Variants in TMCC1 observed in about 807,000 individuals in gnomAD.
The protein encoded by TMCC1 is transmembrane and coiled-coil domains protein 1.
Under a neutral mutation model 52.4 loss-of-function variants are expected in TMCC1, and 15 were observed. That is an observed-to-expected ratio of 0.29 (90% CI 0.19 to 0.44). TMCC1 has a LOEUF of 0.44. Among genes scored for constraint, TMCC1 ranks in the 20% least tolerant of loss-of-function variants. TMCC1 has a pLI of 1.00. For synonymous variants in TMCC1, 279 were observed against 301.9 expected, an observed-to-expected ratio of 0.92 and a Z score of 0.79; for missense variants, 503 against 806.0, an observed-to-expected ratio of 0.62 and a Z score of 4.55.
chr3:129,868,096 C>T (rs1208608793), intron 2 of TMCC1, among the ~76,000 whole-genome samples: 1 of 151,786 alleles, frequency 6.6e-6, no homozygotes, highest in Non-Finnish European at 1.5e-5. Flanking sequence ...GAAGACAACG[C>T]CCACATCTCT....
chr3:129,661,963 T>A (rs970180532), intron 5 of TMCC1, among the ~76,000 whole-genome samples: 10 of 152,194 alleles, frequency 6.6e-5, no homozygotes, highest in African/African-American at 2.4e-4. Context: ...CTGTCTAAAT[T>A]CTAAAATGGA....
Position 129,860,520 on chromosome 3 carries a change from T to C in TMCC1, c.-184+19789A>G, listed in dbSNP as rs138826157. On this transcript the variant is annotated intron_variant, in intron 2 of 6. Coordinates refer to ENST00000393238, the MANE Select transcript of TMCC1 (RefSeq NM_001017395.5). Reference sequence around the variant, plus strand: ...TACAGTGTACATCAAAATGTTAACATTGATTACCACTGAAAATTATCAGAG... The same window carrying C: ...TACAGTGTACATCAAAATGTTAACACTGATTACCACTGAAAATTATCAGAG... Among the ~76,000 whole-genome samples the C allele has an allele frequency of 8.5e-5, 13 of 152,296 alleles. No homozygotes were observed. In the East Asian group the frequency reaches 2.1e-3, roughly 25 times the overall value.
At chr3:129,767,334 T>G (rs1487416977) in intron 4 of TMCC1, among the ~76,000 whole-genome samples, 1 of 151,896 alleles carries the variant, frequency 6.6e-6, no homozygotes, top group African/African-American at 2.4e-5. Flanking sequence ...TCAACAACTT[T>G]CAGCACATTC....
chr3:129,881,945 C>A (rs965916455), intron 1 of TMCC1, among the ~76,000 whole-genome samples: 2 of 152,070 alleles, frequency 1.3e-5, no homozygotes, highest in African/African-American at 2.4e-5. Flanking sequence ...GAAATAATAG[C>A]CAAAGATGTT....
chr3:129,815,102 T>A (rs1188626119), intron 4 of TMCC1, among the ~76,000 whole-genome samples: 1 of 152,088 alleles, frequency 6.6e-6, no homozygotes, highest in Non-Finnish European at 1.5e-5. Context: ...TGCAGAATAC[T>A]CATTCTTTTC....
intron 2 of TMCC1, among the ~76,000 whole-genome samples, chr3:129,863,873 A>G (rs1428810779): frequency 6.6e-6 from 1 of 152,096 alleles, no homozygotes; most frequent in Non-Finnish European, 1.5e-5. Flanking sequence ...AAGAAAAAAA[A>G]AGAATAAGGC....
intron 4 of TMCC1, among the ~76,000 whole-genome samples, chr3:129,676,927 C>T (rs1045669430): frequency 4.6e-5 from 7 of 151,992 alleles, no homozygotes; most frequent in African/African-American, 1.7e-4. Context: ...CTGGCCTGTA[C>T]GTTCATTAAT....
At chr3:129,831,738 C>A (rs1560508729) in intron 3 of TMCC1, among the ~76,000 whole-genome samples, 2 of 152,174 alleles carry the variant, frequency 1.3e-5, no homozygotes, top group Admixed American at 6.5e-5. Context: ...AATGCAAGCA[C>A]AAAAGAAATT....
intron 4 of TMCC1, among the ~76,000 whole-genome samples, chr3:129,709,647 A>G (rs901618783): frequency 2.6e-5 from 4 of 152,066 alleles, no homozygotes; most frequent in African/African-American, 4.8e-5. Flanking sequence ...TAAAATAAAA[A>G]TAACTAGAAA....
chr3:129,777,418 T>G (rs143796199), intron 4 of TMCC1, among the ~76,000 whole-genome samples: 2 of 152,206 alleles, frequency 1.3e-5, no homozygotes, highest in Non-Finnish European at 2.9e-5. Flanking sequence ...TGGGATTGTT[T>G]ATGGGGAAAA....
chr3:129,784,771 C>T (rs1349880697), intron 4 of TMCC1, among the ~76,000 whole-genome samples: 6 of 151,834 alleles, frequency 4.0e-5, no homozygotes, highest in Admixed American at 2.6e-4. Flanking sequence ...TGAGACCATC[C>T]TGGGCAACAT....
chr3:129,893,253 G>C (rs1416999331), intron 1 of TMCC1: 2 of 152,488 alleles, frequency 1.3e-5, no homozygotes, highest in Admixed American at 1.3e-4. Flanking sequence ...AATGACAGCG[G>C]AATGAGCCGG....
chr3:129,832,866 A>C (rs962089193), intron 2 of TMCC1, 40 bp from the exon 3 acceptor site: 1 of 152,252 alleles, frequency 6.6e-6, no homozygotes, highest in African/African-American at 2.4e-5. Context: ...TGAGAAACTT[A>C]GATGGGGAAA....
At chr3:129,869,357 C>G (rs2060807880) in intron 2 of TMCC1, among the ~76,000 whole-genome samples, 1 of 152,106 alleles carries the variant, frequency 6.6e-6, no homozygotes, top group South Asian at 2.1e-4. Context: ...GAGTTGTACC[C>G]TTTATAATAA....
At chr3:129,715,325 G>A (rs558665918) in intron 4 of TMCC1, among the ~76,000 whole-genome samples, 25 of 152,320 alleles carry the variant, frequency 1.6e-4, no homozygotes, top group African/African-American at 4.8e-4. Context: ...TTGGGAGGCC[G>A]AGGCAGGGGA....
intron 4 of TMCC1, among the ~76,000 whole-genome samples, chr3:129,771,154 G>A (rs2054548337): frequency 6.6e-6 from 1 of 152,110 alleles, no homozygotes; most frequent in Admixed American, 6.5e-5. Flanking sequence ...GGTAGCATCT[G>A]GTCTTGGCAT....
At position 129,858,280 on chromosome 3, in the gene TMCC1, C is replaced by A. The variant is rs576319442; in HGVS notation, c.-184+22029G>T. On this transcript the variant is annotated intron_variant, in intron 2 of 6. Coordinates refer to ENST00000393238, the MANE Select transcript of TMCC1 (RefSeq NM_001017395.5). ...ACACCATCCTCCATATCGCAGCACA[C>A]TACTAAACAGCTTCAAGACACACGA... Among the ~76,000 whole-genome samples the A allele has an allele frequency of 3.3e-5, 5 of 152,346 alleles. No homozygotes were observed. In the East Asian group the frequency reaches 9.6e-4, roughly 29 times the overall value.
At chr3:129,675,429 T>C (rs1377972478) in intron 4 of TMCC1, among the ~76,000 whole-genome samples, 1 of 152,222 alleles carries the variant, frequency 6.6e-6, no homozygotes, top group Non-Finnish European at 1.5e-5. Flanking sequence ...ATGCTCACTT[T>C]AGAAGACAAT....
At chr3:129,663,642 G>A (rs889940719) in intron 5 of TMCC1, among the ~76,000 whole-genome samples, 20 of 152,168 alleles carry the variant, frequency 1.3e-4, no homozygotes, top group Non-Finnish European at 2.5e-4. Context: ...AATATTTCAA[G>A]GGTAGGCAAT....
Sources: gnomAD v4.1 joint callset for allele counts (sites outside exome capture counted in the v4.1 genomes callset) on GRCh38, gnomAD v4.1.1 for gene constraint, MANE v1.5 for transcripts, NCBI Gene and HGNC (gene_info 2026-07-23, HGNC 2026-07-21) for gene names.